PAFAH1B1: variants seen among roughly 807,000 people sequenced by gnomAD.
PAFAH1B1 encodes the protein platelet-activating factor acetylhydrolase IB subunit beta.
Under a neutral mutation model 57.5 loss-of-function variants are expected in PAFAH1B1, and 2 were observed. The observed-to-expected ratio is 0.03, with a 90% CI of 0.01 to 0.11. The LOEUF is 0.11. Ranked by LOEUF, PAFAH1B1 falls within the 10% of genes least tolerant of loss-of-function variation. PAFAH1B1 has a pLI of 1.00. For missense variants in PAFAH1B1, 257 were observed against 512.0 expected, an observed-to-expected ratio of 0.50 and a Z score of 4.81; for synonymous variants, 152 against 169.6, an observed-to-expected ratio of 0.90 and a Z score of 0.81.
rs980256883 is a variant in PAFAH1B1 at position 2,596,030 on chromosome 17, G to C, written c.-191+2024G>C. 5.3e-5 allele frequency among the ~76,000 whole-genome samples: 8 copies of C among 152,240 alleles called. No individual in the cohort carries two copies. In the East Asian group the frequency reaches 1.5e-3, roughly 29 times the overall value. ...GTAAGGTTATTTGATATGAATGGTTGCTACAACTAAGTCATTTCTCTGTCG... is the reference window on the plus strand; with the variant it reads ...GTAAGGTTATTTGATATGAATGGTTCCTACAACTAAGTCATTTCTCTGTCG... On this transcript the variant is annotated intron_variant, in intron 1 of 10. Transcript: ENST00000397195.
At chr17:2,597,776 CAG>C (rs1259674325) in intron 1 of PAFAH1B1, among the ~76,000 whole-genome samples, 2 of 138,782 alleles carry the variant, frequency 1.4e-5, no homozygotes, top group Non-Finnish European at 3.3e-5. Flanking sequence ...AACAGAGAGA[CAG>C]AAAGTGTGTG....
intron 5 of PAFAH1B1, chr17:2,667,615 C>T (rs1458606011): frequency 1.3e-5 from 3 of 226,390 alleles, no homozygotes; most frequent in East Asian, 1.1e-4. Flanking sequence ...GTGTGTCTTA[C>T]CTTTAAACGG....
At chr17:2,630,346 T>C (rs1457614726) in intron 1 of PAFAH1B1, among the ~76,000 whole-genome samples, 1 of 152,164 alleles carries the variant, frequency 6.6e-6, no homozygotes. Context: ...TGAAAATGAC[T>C]GTAGCTTTCC....
chr17:2,603,769 C>T (rs188369091), intron 1 of PAFAH1B1, among the ~76,000 whole-genome samples: 2 of 148,648 alleles, frequency 1.3e-5, no homozygotes, highest in East Asian at 3.9e-4. Context: ...GACACGGAGT[C>T]TCTCTCTGTC....
intron 2 of PAFAH1B1, chr17:2,638,655 C>A: frequency 2.7e-5 from 7 of 257,006 alleles, no homozygotes; most frequent in Non-Finnish European, 4.5e-5. Context: ...TTACAGGCAC[C>A]CGCTACCATG....
At chr17:2,624,193 A>T (rs1196080844) in intron 1 of PAFAH1B1, among the ~76,000 whole-genome samples, 1 of 152,152 alleles carries the variant, frequency 6.6e-6, no homozygotes, top group African/African-American at 2.4e-5. Flanking sequence ...CTTATTGTTC[A>T]TATCACCATC....
intron 2 of PAFAH1B1, among the ~76,000 whole-genome samples, chr17:2,639,108 C>T (rs2068662496): frequency 6.6e-6 from 1 of 151,586 alleles, no homozygotes; most frequent in Admixed American, 6.6e-5. Context: ...CCGTGTTAGC[C>T]AGGATGGTCT....
chr17:2,637,889 T>C (rs1315729002), intron 1 of PAFAH1B1, among the ~76,000 whole-genome samples: 2 of 152,176 alleles, frequency 1.3e-5, no homozygotes, highest in Non-Finnish European at 1.5e-5. Context: ...TTAAAAGTAA[T>C]GCTGTTTTGG....
intron 10 of PAFAH1B1, chr17:2,680,904 G>A (rs577684870): frequency 1.1e-5 from 2 of 174,244 alleles, no homozygotes; most frequent in East Asian, 3.4e-4. Flanking sequence ...GGAACATCGT[G>A]TTCAGTAAAT....
At chr17:2,644,372 T>G (rs1254944794) in intron 2 of PAFAH1B1, among the ~76,000 whole-genome samples, 1 of 152,018 alleles carries the variant, frequency 6.6e-6, no homozygotes, top group Admixed American at 6.6e-5. Context: ...TGAAACCCCA[T>G]CTCTACTAAA....
At position 2,657,819 on chromosome 17, in the gene PAFAH1B1, C is replaced by A. The variant is rs540475553; in HGVS notation, c.33-7553C>A. ...AAGGGACCATATATAACTTAACCTT[C>A]TTTTATATTCCTTGGTATAAAACTG... On this transcript the variant is annotated intron_variant, in intron 2 of 10. Coordinates refer to ENST00000397195, the MANE Select transcript of PAFAH1B1 (RefSeq NM_000430.4). 6.6e-5 allele frequency among the ~76,000 whole-genome samples: 10 copies of A among 152,268 alleles called. 1 individual carries two copies. The East Asian group carries it at 1.9e-3, about 29-fold the overall frequency.
chr17:2,642,128 A>G (rs2068703085), intron 2 of PAFAH1B1: 1 of 152,230 alleles, frequency 6.6e-6, no homozygotes. Context: ...CTGTCCCCAC[A>G]GAATTCTTTA....
At chr17:2,605,609 T>C (rs973048015) in intron 1 of PAFAH1B1, among the ~76,000 whole-genome samples, 7 of 152,184 alleles carry the variant, frequency 4.6e-5, no homozygotes, top group Non-Finnish European at 8.8e-5. Flanking sequence ...CTGCTTTGAC[T>C]CCCTGCCGCG....
intron 1 of PAFAH1B1, among the ~76,000 whole-genome samples, chr17:2,606,799 T>A (rs1396179110): frequency 6.6e-6 from 1 of 151,574 alleles, no homozygotes; most frequent in Non-Finnish European, 1.5e-5. Context: ...TTTGTCATAT[T>A]TGCCTCAGAG....
At chr17:2,657,745 AG>A (rs1197140344) in intron 2 of PAFAH1B1, among the ~76,000 whole-genome samples, 1 of 152,192 alleles carries the variant, frequency 6.6e-6, no homozygotes, top group Non-Finnish European at 1.5e-5. Flanking sequence ...CATAGACTTC[AG>A]TAGCTTTTAT....
At chr17:2,610,653 G>A (rs1597514576) in intron 1 of PAFAH1B1, among the ~76,000 whole-genome samples, 2 of 152,196 alleles carry the variant, frequency 1.3e-5, no homozygotes, top group Non-Finnish European at 2.9e-5. Flanking sequence ...AAAAATGTCA[G>A]TGTTTTAGGA....
At chr17:2,605,047 A>G (rs1292462342) in intron 1 of PAFAH1B1, among the ~76,000 whole-genome samples, 1 of 152,214 alleles carries the variant, frequency 6.6e-6, no homozygotes, top group African/African-American at 2.4e-5. Flanking sequence ...AACAAGCATT[A>G]TGAGATGATG....
At position 2,684,015 on chromosome 17, in the gene PAFAH1B1, C is replaced by T. The variant is rs191443503; in HGVS notation, c.*2213C>T. 6.5e-6 allele frequency: 1 copy of T among 152,740 alleles called. No individual in the cohort carries two copies. The highest frequency in any genetic ancestry group is 1.9e-4 in the East Asian group (1 of 5,188). 9.5% of individuals were successfully genotyped at this position (152,740 alleles called of 1,614,324 possible). On this transcript the variant is annotated 3_prime_UTR_variant, in exon 11 of 11. Transcript: ENST00000397195. ...ATGCAGGAGGAAGCAAGCGTGTCTT[C>T]CCCTGCAGCACACAGCGACTTGCGT...
At chr17:2,661,728 G>C (rs1003793370) in intron 2 of PAFAH1B1, among the ~76,000 whole-genome samples, 3 of 152,092 alleles carry the variant, frequency 2.0e-5, no homozygotes, top group Non-Finnish European at 2.9e-5. Flanking sequence ...CTTCATATGA[G>C]CAATGAAATT....
Sources: gnomAD v4.1 joint callset for allele counts (sites outside exome capture counted in the v4.1 genomes callset) on GRCh38, gnomAD v4.1.1 for gene constraint, MANE v1.5 for transcripts, NCBI Gene and HGNC (gene_info 2026-07-23, HGNC 2026-07-21) for gene names.